Variants in ZBBX observed in about 807,000 individuals in gnomAD.
The protein encoded by ZBBX is zinc finger B-box domain-containing protein 1.
A neutral mutation model predicts 108.5 loss-of-function variants in ZBBX; 101 were observed. The ratio of observed to expected loss-of-function variants is 0.93; its 90% confidence interval spans 0.79 to 1.10. The LOEUF (loss-of-function observed/expected upper bound fraction) is 1.10. Among genes scored for constraint, ZBBX ranks in the 50% least tolerant of loss-of-function variants. The probability of loss-of-function intolerance (pLI) is 0.00; values close to 1 mark genes in which losing one functional copy is unlikely to be tolerated. For missense variants in ZBBX, 1,009 were observed against 941.4 expected (o/e 1.07, Z -0.94); for synonymous variants, 356 against 323.4 (o/e 1.10, Z -1.08).
intron 20 of ZBBX, among the ~76,000 whole-genome samples, chr3:167,261,307 T>C (rs1724469732): frequency 6.6e-6 from 1 of 152,244 alleles, no homozygotes; most frequent in African/African-American, 2.4e-5. Context: ...CTGGTTGGCC[T>C]CCTGCCAGGA....
intron 1 of ZBBX, among the ~76,000 whole-genome samples, chr3:167,388,694 A>C (rs1224131615): frequency 6.6e-6 from 1 of 152,008 alleles, no homozygotes; most frequent in East Asian, 1.9e-4. Context: ...AAAGGTACCT[A>C]GGCTCCTTCC....
At chr3:167,394,568 G>C (rs1273330694) in intron 1 of ZBBX, among the ~76,000 whole-genome samples, 2 of 150,130 alleles carry the variant, frequency 1.3e-5, no homozygotes, top group South Asian at 4.2e-4. Context: ...TTTTTTTTCT[G>C]CCATTGGGAA....
intron 8 of ZBBX, among the ~76,000 whole-genome samples, chr3:167,358,587 G>A (rs979152333): frequency 4.6e-5 from 7 of 152,036 alleles, no homozygotes; most frequent in Admixed American, 6.6e-5. Flanking sequence ...AAGTTAAAGA[G>A]CAGTCAGAAG....
At chr3:167,390,784 CTCTG>C (rs1284405581) in intron 1 of ZBBX, among the ~76,000 whole-genome samples, 3 of 151,690 alleles carry the variant, frequency 2.0e-5, no homozygotes, top group Admixed American at 6.6e-5. Context: ...TGATTTGGCT[CTCTG>C]TCTGTTATTG....
intron 9 of ZBBX, among the ~76,000 whole-genome samples, chr3:167,337,531 T>C (rs1739772317): frequency 6.6e-6 from 1 of 151,840 alleles, no homozygotes; most frequent in African/African-American, 2.4e-5. Flanking sequence ...AAAAAAAAAG[T>C]TTATCTAGGA....
intron 9 of ZBBX, among the ~76,000 whole-genome samples, chr3:167,345,529 C>A (rs1294286001): frequency 6.6e-6 from 1 of 151,472 alleles, no homozygotes; most frequent in African/African-American, 2.4e-5. Context: ...ATTTACATAC[C>A]TGGACTCTAA....
chr3:167,303,430 G>T (rs947370713), intron 17 of ZBBX, among the ~76,000 whole-genome samples: 3 of 151,788 alleles, frequency 2.0e-5, no homozygotes, highest in Non-Finnish European at 4.4e-5. Context: ...TCTCAAATTG[G>T]GCATTCTAAT....
At chr3:167,230,659 G>A in the ZBBX span, among the ~76,000 whole-genome samples, 5 of 151,888 alleles carry the variant, frequency 3.3e-5, no homozygotes, top group East Asian at 7.8e-4. Flanking sequence ...CAGCAAGCAG[G>A]CAATGGTGCT....
chr3:167,233,189 T>A, the ZBBX span, among the ~76,000 whole-genome samples: 1 of 151,754 alleles, frequency 6.6e-6, no homozygotes. Flanking sequence ...TTACCCATCC[T>A]TCTCTCTTCC....
chr3:167,203,450 T>C, the ZBBX span, among the ~76,000 whole-genome samples: 2,035 of 152,232 alleles, frequency 0.013, 22 homozygotes, highest in South Asian at 0.026. Flanking sequence ...ACACCAATTA[T>C]ATGCAGAAAA....
chr3:167,239,534 C>A (rs1012406015), downstream of ZBBX, among the ~76,000 whole-genome samples: 12 of 151,974 alleles, frequency 7.9e-5, no homozygotes, highest in Non-Finnish European at 1.8e-4. Context: ...AATATATTTT[C>A]TCCTCCTTAT....
chr3:167,224,596 G>A, the ZBBX span, among the ~76,000 whole-genome samples: 1 of 151,848 alleles, frequency 6.6e-6, no homozygotes, highest in South Asian at 2.1e-4. Context: ...CTGTTAATAA[G>A]TAAATACGTT....
rs528636241 is a variant in ZBBX, at chr3:167,314,505, T to C, written c.1275-389A>G. On this transcript the variant is annotated intron_variant, in intron 15 of 21. Transcript: ENST00000675490. ...ACATATTATTTGTTCATCAACAAGA[T>C]ATGAGTTTAAAAGCAGTATGTGATA... Among the ~76,000 whole-genome samples the C allele has an allele frequency of 6.6e-5, 10 of 152,306 alleles. No individual in the cohort carries two copies. In the South Asian group the frequency reaches 2.1e-3, roughly 32 times the overall value.
At chr3:167,300,447 T>A (rs1451988599) in intron 17 of ZBBX, among the ~76,000 whole-genome samples, 1 of 152,136 alleles carries the variant, frequency 6.6e-6, no homozygotes, top group Non-Finnish European at 1.5e-5. Context: ...ACTTTATGGA[T>A]CCTATGCACT....
chr3:167,259,964 G>A lies in ZBBX; in HGVS notation c.2255-17321C>T, dbSNP rs1724190332. Among the ~76,000 whole-genome samples the A allele has an allele frequency of 3.3e-5, 5 of 152,224 alleles. No individual in the cohort carries two copies. The South Asian group carries it at 1.0e-3, about 32-fold the overall frequency. On this transcript the variant is annotated intron_variant, in intron 20 of 21. Transcript: ENST00000675490. ...AGCTTTAAACAGGTTCTGTTTTGATGTGTTTCTAGGGTTTGTTTCAAGATT... is the reference window on the plus strand; with the variant it reads ...AGCTTTAAACAGGTTCTGTTTTGATATGTTTCTAGGGTTTGTTTCAAGATT...
chr3:167,252,174 G>GTTTTTT, intron 20 of ZBBX: 1 of 1,289,664 alleles, frequency 7.8e-7, no homozygotes, highest in Non-Finnish European at 1.0e-6. Context: ...TAACATGGTT[G>GTTTTTT]TTTTTCATAG....
the ZBBX span, among the ~76,000 whole-genome samples, chr3:167,191,922 T>TAGAGAGAG: frequency 8.1e-6 from 1 of 123,986 alleles, no homozygotes; most frequent in African/African-American, 3.3e-5. Flanking sequence ...TATATATATA[T>TAGAGAGAG]ATATATATAT....
the ZBBX span, among the ~76,000 whole-genome samples, chr3:167,207,941 C>A: frequency 2.6e-5 from 4 of 152,086 alleles, no homozygotes; most frequent in Non-Finnish European, 5.9e-5. Flanking sequence ...TCTTGAATTG[C>A]CTACACCACC....
intron 1 of ZBBX, among the ~76,000 whole-genome samples, chr3:167,399,051 G>A (rs1458362561): frequency 6.6e-6 from 1 of 150,430 alleles, no homozygotes; most frequent in East Asian, 2.0e-4. Context: ...GAGACTCTTC[G>A]GAGTCCCCAC....
Sources: gnomAD v4.1 joint callset for allele counts (sites outside exome capture counted in the v4.1 genomes callset) on GRCh38, gnomAD v4.1.1 for gene constraint, MANE v1.5 for transcripts, NCBI Gene and HGNC (gene_info 2026-07-23, HGNC 2026-07-21) for gene names.